The following SGCG variants were observed in gnomAD, a reference collection of about 807,000 sequenced individuals.
SGCG encodes the protein gamma-sarcoglycan.
In SGCG, 26 loss-of-function variants were observed where a neutral mutation model predicts 29.3. The observed-to-expected ratio is 0.89, with a 90% CI of 0.65 to 1.23. The LOEUF (loss-of-function observed/expected upper bound fraction) is 1.23. Ranked by LOEUF, SGCG falls within the 50% of genes most tolerant of loss-of-function variation. The pLI, the probability that SGCG is intolerant of heterozygous loss-of-function variation, is 0.00. For missense variants in SGCG, 353 were observed against 356.0 expected (o/e 0.99, Z 0.07); for synonymous variants, 145 against 129.7 (o/e 1.12, Z -0.80).
intron 2 of SGCG, among the ~76,000 whole-genome samples, chr13:23,205,108 A>G (rs1416532725): frequency 6.6e-6 from 1 of 152,106 alleles, no homozygotes; most frequent in African/African-American, 2.4e-5. Flanking sequence ...ATGAACAATT[A>G]TATAAATATA....
chr13:23,226,955 A>T (rs1878922412), intron 2 of SGCG, among the ~76,000 whole-genome samples: 1 of 152,196 alleles, frequency 6.6e-6, no homozygotes, highest in Non-Finnish European at 1.5e-5. Context: ...GCAGCTGGCA[A>T]ATTTTAGGAC....
At chr13:23,276,279 C>T (rs771632749) in intron 4 of SGCG, among the ~76,000 whole-genome samples, 4 of 151,876 alleles carry the variant, frequency 2.6e-5, no homozygotes, top group Non-Finnish European at 5.9e-5. Flanking sequence ...AAGTGGAAAG[C>T]GTATTTAAAT....
chr13:23,165,627 C>T, the SGCG span, among the ~76,000 whole-genome samples: 92 of 151,934 alleles, frequency 6.1e-4, no homozygotes, highest in East Asian at 0.013. Context: ...CGGGTTCAAG[C>T]GATTCTGCTG....
At chr13:23,175,242 G>A in the SGCG span, among the ~76,000 whole-genome samples, 1 of 152,182 alleles carries the variant, frequency 6.6e-6, no homozygotes, top group Admixed American at 6.5e-5. Context: ...AAGGTAAGAG[G>A]TAAGTATGAA....
chr13:23,299,439 TATATATATATATATA>T lies in SGCG; in HGVS notation c.578+3953_578+3967del, dbSNP rs1460267332. ...ATATATATATATATATATATATATA[TATATATATATATATA>T]TATTTTTTTTTTTTTTTTAGTCGGA... On this transcript the variant is annotated intron_variant, in intron 6 of 7. Coordinates refer to ENST00000218867, the MANE Select transcript of SGCG (RefSeq NM_000231.3). Among the ~76,000 whole-genome samples, 84 of 21,188 alleles carry T rather than the reference TATATATATATATATA, an allele frequency of 4.0e-3. 7 individuals are homozygous for T. Among genetic ancestry groups the T allele is most frequent in the African/African-American group, 9.4e-3 (75 of 8,014 alleles). The allele number at this position is 21,188 out of a possible 152,430, so 13.9% of individuals were successfully genotyped here. A position where few individuals can be genotyped will look rare whatever the true frequency, so the allele number is the denominator to read the frequency against.
In SGCG at chr13:23,225,237, G is replaced by A. The variant is rs868254105; in HGVS notation, c.196-9374G>A. Among the ~76,000 whole-genome samples, 6 of 152,258 alleles carry A rather than the reference G, an allele frequency of 3.9e-5. No homozygotes were observed. The Middle Eastern group carries it at 0.01, about 259-fold the overall frequency. On this transcript the variant is annotated intron_variant, in intron 2 of 7. Coordinates refer to ENST00000218867, the MANE Select transcript of SGCG (RefSeq NM_000231.3). ...CACCCAAATGTTACCTTCCATGGCCGAAGGGACTTTGCAGATGTGATTACA... is the reference window on the plus strand; with the variant it reads ...CACCCAAATGTTACCTTCCATGGCCAAAGGGACTTTGCAGATGTGATTACA...
the SGCG span, among the ~76,000 whole-genome samples, chr13:23,171,813 T>C: frequency 6.6e-6 from 1 of 152,166 alleles, no homozygotes; most frequent in East Asian, 1.9e-4. Flanking sequence ...GCTCAGGCAT[T>C]AATGCTCACT....
chr13:23,242,442 C>T (rs1879547246), intron 3 of SGCG, among the ~76,000 whole-genome samples: 3 of 152,134 alleles, frequency 2.0e-5, no homozygotes, highest in Admixed American at 6.5e-5. Flanking sequence ...TTATACACCT[C>T]TTTCTTTCAC....
intron 1 of SGCG, among the ~76,000 whole-genome samples, chr13:23,188,930 G>A (rs1320797796): frequency 8.5e-5 from 13 of 152,194 alleles, no homozygotes; most frequent in Non-Finnish European, 1.9e-4. Context: ...CTTTGAGGCA[G>A]ATCACTTTCA....
chr13:23,211,417 G>C (rs1878205855), intron 2 of SGCG, among the ~76,000 whole-genome samples: 1 of 152,070 alleles, frequency 6.6e-6, no homozygotes, highest in Non-Finnish European at 1.5e-5. Flanking sequence ...TTTTCAGTCT[G>C]CCAGAGTGAG....
chr13:23,304,599 T>C (rs1882293576), intron 6 of SGCG, among the ~76,000 whole-genome samples: 1 of 152,002 alleles, frequency 6.6e-6, no homozygotes, highest in Non-Finnish European at 1.5e-5. Context: ...TAGGCTTTTT[T>C]TTTTTGGCGG....
At chr13:23,198,488 T>C (rs1314609270) in intron 1 of SGCG, among the ~76,000 whole-genome samples, 2 of 152,178 alleles carry the variant, frequency 1.3e-5, no homozygotes, top group Non-Finnish European at 2.9e-5. Context: ...GCTTCACATC[T>C]GGAGCCCTAT....
At chr13:23,201,363 T>C (rs1877751450) in intron 1 of SGCG, among the ~76,000 whole-genome samples, 1 of 10,412 alleles carries the variant, frequency 9.6e-5, no homozygotes, top group East Asian at 3.3e-3. Flanking sequence ...GAGGTCACCT[T>C]ACGTGGAAGA....
chr13:23,224,468 C>T (rs1485971185), intron 2 of SGCG, among the ~76,000 whole-genome samples: 1 of 152,110 alleles, frequency 6.6e-6, no homozygotes, highest in Non-Finnish European at 1.5e-5. Context: ...GCGCTAGACA[C>T]GCATAATACA....
chr13:23,200,881 A>C (rs1406153882), intron 1 of SGCG, among the ~76,000 whole-genome samples: 2 of 152,162 alleles, frequency 1.3e-5, no homozygotes, highest in Admixed American at 6.5e-5. Flanking sequence ...CTGGCCGAGT[A>C]AGACCACTGT....
chr13:23,278,977 G>A (rs1055174493), intron 4 of SGCG, among the ~76,000 whole-genome samples: 12 of 152,122 alleles, frequency 7.9e-5, no homozygotes, highest in Admixed American at 5.9e-4. Context: ...TCGTAAGATG[G>A]TCTTTCACAA....
intron 2 of SGCG, among the ~76,000 whole-genome samples, chr13:23,222,288 G>A (rs1878700912): frequency 6.6e-6 from 1 of 152,156 alleles, no homozygotes; most frequent in South Asian, 2.1e-4. Flanking sequence ...TTGACAAAGT[G>A]ATGTTCTTAA....
Position 23,292,834 on chromosome 13 carries a change from C to A in SGCG, c.506-2581C>A, listed in dbSNP as rs186344095. Among the ~76,000 whole-genome samples, 154 of 152,228 alleles carry A rather than the reference C, an allele frequency of 1.0e-3. 1 individual carries two copies. Among genetic ancestry groups the A allele is most frequent in the African/African-American group, 3.3e-3 (139 of 41,530 alleles). ...TGGGTTTCAAACAATGTTACATAAA[C>A]CACAGTAAATATACTTATATAAAAT... is the stretch of plus-strand genomic sequence containing the variant. On this transcript the variant is annotated intron_variant, in intron 5 of 7. Coordinates refer to ENST00000218867, the MANE Select transcript of SGCG (RefSeq NM_000231.3).
intron 1 of SGCG, among the ~76,000 whole-genome samples, chr13:23,199,744 A>C (rs79246853): frequency 1.2e-5 from 1 of 82,660 alleles, no homozygotes; most frequent in East Asian, 4.3e-4. Flanking sequence ...TGGCAAACTT[A>C]AAAAAAACAA....
Sources: gnomAD v4.1 joint callset for allele counts (sites outside exome capture counted in the v4.1 genomes callset) on GRCh38, gnomAD v4.1.1 for gene constraint, MANE v1.5 for transcripts, NCBI Gene and HGNC (gene_info 2026-07-23, HGNC 2026-07-21) for gene names.